STARD6: variants seen among roughly 807,000 people sequenced by gnomAD.
The protein encoded by STARD6 is stAR-related lipid transfer protein 6.
STARD6 carries 21 observed loss-of-function variants against 22.3 expected under a neutral mutation model. The observed-to-expected ratio is 0.94, with a 90% confidence interval of 0.67 to 1.35. The LOEUF is 1.35. Ranked by LOEUF, STARD6 falls within the 40% of genes most tolerant of loss-of-function variation. The probability of loss-of-function intolerance (pLI) is 0.00; values close to 1 mark genes in which losing one functional copy is unlikely to be tolerated. For synonymous variants in STARD6, 80 were observed against 88.1 expected (o/e 0.91, Z 0.52); for missense variants, 269 against 266.9 (o/e 1.01, Z -0.05).
intron 4 of STARD6, among the ~76,000 whole-genome samples, chr18:54,348,633 T>C (rs914271451): frequency 1.3e-5 from 2 of 152,132 alleles, no homozygotes; most frequent in Non-Finnish European, 2.9e-5. Flanking sequence ...ATGAGAAATA[T>C]ATTTAGAAAA....
At chr18:54,336,114 T>C (rs1037422047) in intron 5 of STARD6, among the ~76,000 whole-genome samples, 1 of 152,214 alleles carries the variant, frequency 6.6e-6, no homozygotes. Context: ...GCCTCTCACA[T>C]TCTCCCTTCT....
At chr18:54,354,002 A>C in intron 4 of STARD6, 52 bp downstream of exon 4, 1 of 1,139,482 alleles carries the variant, frequency 8.8e-7, no homozygotes, top group Non-Finnish European at 1.3e-6. Context: ...TTCCAGATAC[A>C]TCAATGGCAT....
At chr18:54,354,221 T>A (rs747672358) in intron 3 of STARD6, 118 bp from the exon 4 acceptor site, 1 of 656,022 alleles carries the variant, frequency 1.5e-6, no homozygotes, top group Admixed American at 3.1e-5. Flanking sequence ...AAAAAATATA[T>A]ATATATATTT....
intron 5 of STARD6, 130 bp downstream of exon 5, chr18:54,336,995 T>C: frequency 2.4e-6 from 2 of 819,602 alleles, no homozygotes; most frequent in Non-Finnish European, 3.5e-6. Flanking sequence ...TTAAAGCTTT[T>C]ATAAAGACTT....
chr18:54,328,253 A>G (rs1257437056), intron 7 of STARD6, among the ~76,000 whole-genome samples: 1 of 152,204 alleles, frequency 6.6e-6, no homozygotes, highest in African/African-American at 2.4e-5. Context: ...ATGGCTTTAC[A>G]CACATGAGAA....
chr18:54,328,526 A>ATC (rs923957246), intron 7 of STARD6, among the ~76,000 whole-genome samples: 1 of 152,224 alleles, frequency 6.6e-6, no homozygotes, highest in Non-Finnish European at 1.5e-5. Flanking sequence ...TGCATCAACA[A>ATC]TCGTATACAT....
intron 4 of STARD6, among the ~76,000 whole-genome samples, chr18:54,339,580 AAG>A (rs1401986346): frequency 2.4e-4 from 37 of 152,268 alleles, no homozygotes; most frequent in Middle Eastern, 3.4e-3. Context: ...ATGACGTTTG[AAG>A]AGCTGAAGAA....
intron 4 of STARD6, among the ~76,000 whole-genome samples, chr18:54,344,815 G>T (rs908087760): frequency 6.6e-6 from 1 of 152,228 alleles, no homozygotes; most frequent in Admixed American, 6.5e-5. Context: ...CATTTCAATA[G>T]ATGTGGAAAA....
intron 5 of STARD6, among the ~76,000 whole-genome samples, chr18:54,334,047 A>G (rs2088888469): frequency 6.6e-6 from 1 of 152,172 alleles, no homozygotes; most frequent in South Asian, 2.1e-4. Context: ...CCATGAATTC[A>G]CCTATTTTAA....
intron 5 of STARD6, among the ~76,000 whole-genome samples, chr18:54,336,649 A>G (rs2088916329): frequency 6.6e-6 from 1 of 152,098 alleles, no homozygotes; most frequent in Admixed American, 6.6e-5. Flanking sequence ...AGTTCTCACG[A>G]GGTCTGATGG....
At chr18:54,355,963 T>C (rs956232935) in intron 2 of STARD6, 1 of 152,204 alleles carries the variant, frequency 6.6e-6, no homozygotes, top group Non-Finnish European at 1.5e-5. Context: ...TCCATATCTA[T>C]AGAATGGGGA....
intron 5 of STARD6, among the ~76,000 whole-genome samples, chr18:54,335,419 C>A (rs535224841): frequency 6.6e-6 from 1 of 152,106 alleles, no homozygotes; most frequent in Admixed American, 6.5e-5. Context: ...GTCTCAAACT[C>A]CTGACCTCAG....
At chr18:54,352,645 A>G (rs561189445) in intron 4 of STARD6, among the ~76,000 whole-genome samples, 99 of 152,324 alleles carry the variant, frequency 6.5e-4, no homozygotes, top group Admixed American at 1.2e-3. Context: ...AATACCTAGT[A>G]TACAGTGCAT....
chr18:54,353,622 T>C (rs1436887264), intron 4 of STARD6, among the ~76,000 whole-genome samples: 2 of 152,210 alleles, frequency 1.3e-5, no homozygotes, highest in African/African-American at 2.4e-5. Context: ...ATTGTGCCAC[T>C]GCACTCCAGC....
At chr18:54,352,676 G>A (rs909257045) in intron 4 of STARD6, among the ~76,000 whole-genome samples, 19 of 152,182 alleles carry the variant, frequency 1.2e-4, no homozygotes, top group African/African-American at 2.9e-4. Flanking sequence ...CTCAAACTGT[G>A]AGTGCAAAAA....
At chr18:54,342,625 C>CTT (rs1323569857) in intron 4 of STARD6, among the ~76,000 whole-genome samples, 1 of 120,526 alleles carries the variant, frequency 8.3e-6, no homozygotes, top group Non-Finnish European at 1.7e-5. Flanking sequence ...GCACGCGCCG[C>CTT]CACGCCTGAC....
intron 2 of STARD6, among the ~76,000 whole-genome samples, chr18:54,355,055 G>A (rs928467338): frequency 6.6e-6 from 1 of 152,148 alleles, no homozygotes; most frequent in African/African-American, 2.4e-5. Flanking sequence ...ATGTGTTCTT[G>A]AGGATTATTT....
intron 7 of STARD6, among the ~76,000 whole-genome samples, chr18:54,328,165 G>A (rs1191501195): frequency 6.6e-6 from 1 of 152,132 alleles, no homozygotes; most frequent in Non-Finnish European, 1.5e-5. Context: ...GTCATGGAAC[G>A]TATCTCCATG....
At chr18:54,344,583 T>TAAA (rs55736082) in intron 4 of STARD6, among the ~76,000 whole-genome samples, 3,893 of 93,940 alleles carry the variant, frequency 0.041, 137 homozygotes, top group African/African-American at 0.058. Flanking sequence ...AAAAATAAAT[T>TAAA]AAAAAAAAAA....
Sources: gnomAD v4.1 joint callset for allele counts (sites outside exome capture counted in the v4.1 genomes callset) on GRCh38, gnomAD v4.1.1 for gene constraint, MANE v1.5 for transcripts, NCBI Gene and HGNC (gene_info 2026-07-23, HGNC 2026-07-21) for gene names.